The following RBFOX1 variants were observed in gnomAD, a reference collection of about 807,000 sequenced individuals.
RBFOX1 encodes RNA binding protein fox-1 homolog 1.
Under a neutral mutation model 57.7 loss-of-function variants are expected in RBFOX1, and 8 were observed. That is an observed-to-expected ratio of 0.14 (90% CI 0.08 to 0.25). RBFOX1 has a LOEUF of 0.25. RBFOX1 is among the 10% of genes least tolerant of loss of function. RBFOX1 has a pLI of 1.00. For synonymous variants in RBFOX1, 326 were observed against 222.4 expected (o/e 1.47, Z -4.15); for missense variants, 611 against 548.5 (o/e 1.11, Z -1.14).
chr16:7,081,813 G>C (rs12709172), intron 4 of RBFOX1, among the ~76,000 whole-genome samples: 100,279 of 151,576 alleles, frequency 0.66, 35,031 homozygotes, highest in East Asian at 0.91. Flanking sequence ...TAATAGGATT[G>C]CTCTTATTGA....
At chr16:5,365,117 G>C (rs542642707) in intron 1 of RBFOX1, among the ~76,000 whole-genome samples, 34 of 152,240 alleles carry the variant, frequency 2.2e-4, no homozygotes, top group African/African-American at 7.9e-4. Context: ...GTGGGCAGCT[G>C]GCACCCAGGC....
At chr16:5,601,712 A>G (rs537300333), downstream of RBFOX1, 3 of 152,368 alleles carry the variant, frequency 2.0e-5, no homozygotes, top group South Asian at 6.2e-4. Flanking sequence ...AGATGGGGAA[A>G]TGAGGCGTGG....
chr16:6,012,419 T>A (rs1596402114), intron 4 of RBFOX1, among the ~76,000 whole-genome samples: 1 of 152,196 alleles, frequency 6.6e-6, no homozygotes, highest in South Asian at 2.1e-4. Context: ...CCTGGGAAGA[T>A]TTTGCCCCTT....
At chr16:6,952,614 G>C (rs1007549681) in intron 3 of RBFOX1, among the ~76,000 whole-genome samples, 2 of 151,792 alleles carry the variant, frequency 1.3e-5, no homozygotes, top group Non-Finnish European at 2.9e-5. Context: ...CTACAGCCTG[G>C]GCAACAGAGC....
chr16:6,603,466 AC>A (rs2097881927), intron 2 of RBFOX1, among the ~76,000 whole-genome samples: 1 of 152,178 alleles, frequency 6.6e-6, no homozygotes, highest in Non-Finnish European at 1.5e-5. Flanking sequence ...TGATTTAAGA[AC>A]CTTGCTCTTG....
intron 1 of RBFOX1, among the ~76,000 whole-genome samples, chr16:6,133,583 A>G (rs2096645165): frequency 6.6e-6 from 1 of 152,136 alleles, no homozygotes; most frequent in South Asian, 2.1e-4. Flanking sequence ...GTCAGGGAAG[A>G]TCTGTTTAAA....
At chr16:5,829,683 C>G (rs528232874) in intron 3 of RBFOX1, among the ~76,000 whole-genome samples, 1 of 131,940 alleles carries the variant, frequency 7.6e-6, no homozygotes, top group Non-Finnish European at 1.7e-5. Context: ...CAGGCATTGA[C>G]GCAAGAGAAC....
chr16:6,473,044 A>G (rs1290561122), intron 2 of RBFOX1, among the ~76,000 whole-genome samples: 1 of 152,114 alleles, frequency 6.6e-6, no homozygotes, highest in Non-Finnish European at 1.5e-5. Context: ...TATAACAGAG[A>G]GGAACACCCA....
At chr16:6,213,977 C>G (rs186865353) in intron 1 of RBFOX1, among the ~76,000 whole-genome samples, 33 of 152,298 alleles carry the variant, frequency 2.2e-4, no homozygotes, top group Non-Finnish European at 4.1e-4. Context: ...CAAAATGGCT[C>G]TAGATATTGA....
intron 3 of RBFOX1, among the ~76,000 whole-genome samples, chr16:5,653,942 C>A (rs932345016): frequency 1.3e-5 from 2 of 152,196 alleles, no homozygotes; most frequent in African/African-American, 4.8e-5. Flanking sequence ...TTCTCCTTCT[C>A]ACTTTGTGGA....
At chr16:6,841,089 A>T (rs1484761943) in intron 3 of RBFOX1, among the ~76,000 whole-genome samples, 2 of 150,612 alleles carry the variant, frequency 1.3e-5, no homozygotes, top group African/African-American at 2.4e-5. Flanking sequence ...AATTTTTAGC[A>T]CCTTTTTTTT....
At chr16:5,782,368 G>A (rs1250755199) in intron 3 of RBFOX1, among the ~76,000 whole-genome samples, 1 of 151,992 alleles carries the variant, frequency 6.6e-6, no homozygotes, top group African/African-American at 2.4e-5. Flanking sequence ...GACAGAAGGG[G>A]CAAAAAGGAG....
chr16:5,802,038 C>T (rs2055075885), intron 3 of RBFOX1, among the ~76,000 whole-genome samples: 1 of 151,974 alleles, frequency 6.6e-6, no homozygotes, highest in African/African-American at 2.4e-5. Context: ...CTTGACGGGG[C>T]CTCTTTATAG....
chr16:7,621,794 T>C (rs2059356668), intron 10 of RBFOX1, among the ~76,000 whole-genome samples: 2 of 152,270 alleles, frequency 1.3e-5, no homozygotes, highest in African/African-American at 4.8e-5. Context: ...AAAGGGATCT[T>C]AGAACACTGA....
chr16:5,823,889 T>C (rs1386049691), intron 3 of RBFOX1, among the ~76,000 whole-genome samples: 1 of 152,176 alleles, frequency 6.6e-6, no homozygotes, highest in Admixed American at 6.5e-5. Context: ...ATAATATAAA[T>C]GAAGGGCACA....
intron 3 of RBFOX1, among the ~76,000 whole-genome samples, chr16:6,700,510 C>G (rs2110345): frequency 0.5 from 75,187 of 151,702 alleles, 22,072 homozygotes; most frequent in Non-Finnish European, 0.64. Flanking sequence ...TACAAAAAAT[C>G]AGCTGGGTGA....
At chr16:5,330,766 T>A (rs1416584996) in intron 1 of RBFOX1, among the ~76,000 whole-genome samples, 2 of 151,624 alleles carry the variant, frequency 1.3e-5, no homozygotes, top group Non-Finnish European at 2.9e-5. Context: ...GAGCATCATT[T>A]AAGGATGTTA....
At chr16:6,085,660 G>GTGTGTGTGTC (rs1488310285) in intron 1 of RBFOX1, among the ~76,000 whole-genome samples, 9 of 152,066 alleles carry the variant, frequency 5.9e-5, no homozygotes, top group Non-Finnish European at 1.3e-4. Flanking sequence ...TTGTGTGTGT[G>GTGTGTGTGTC]TGTGTGTGTC....
intron 2 of RBFOX1, among the ~76,000 whole-genome samples, chr16:6,414,078 A>G (rs1402618827): frequency 6.6e-6 from 1 of 152,178 alleles, no homozygotes; most frequent in Non-Finnish European, 1.5e-5. Flanking sequence ...AGAACACCCA[A>G]GTACTGTGGA....
Sources: allele counts gnomAD v4.1 joint callset (sites outside exome capture counted in the v4.1 genomes callset), GRCh38; gene constraint gnomAD v4.1.1; transcripts MANE v1.5; gene names NCBI Gene and HGNC (gene_info 2026-07-23, HGNC 2026-07-21).